Variants in SUDS3 observed in about 807,000 individuals in gnomAD.
SUDS3 encodes SIN3A corepressor complex component SDS3.
In SUDS3, 23 loss-of-function variants were observed where a neutral mutation model predicts 53.5. The ratio of observed to expected loss-of-function variants is 0.43; its 90% CI spans 0.31 to 0.61. The LOEUF (loss-of-function observed/expected upper bound fraction) is 0.61, where lower values mean the gene tolerates loss of function less well. Ranked by LOEUF, SUDS3 falls within the 20% of genes least tolerant of loss-of-function variation. The pLI is 0.10. For missense variants in SUDS3, 291 were observed against 405.9 expected (o/e 0.72, Z 2.43); for synonymous variants, 150 against 148.5 (o/e 1.01, Z -0.08).
rs1030308639 is a variant in SUDS3 at position 118,415,653 on chromosome 12, A to G, written c.*1220A>G. 6.6e-6 allele frequency: 1 copy of G among 152,200 alleles called. No individual in the cohort carries two copies. Among genetic ancestry groups the G allele is most frequent in the Non-Finnish European group, 1.5e-5 (1 of 68,022 alleles). 9.4% of individuals were successfully genotyped at this position (152,200 alleles called of 1,614,324 possible). ...TGTTCAAAAAATTTGGGGTTAGAGC[A>G]ACTGTTAGCGTCTCTATGAGCAATC... On this transcript the variant is annotated 3_prime_UTR_variant, in exon 12 of 12. Coordinates refer to ENST00000543473, the MANE Select transcript of SUDS3 (RefSeq NM_022491.3).
chr12:118,402,575 C>G (rs79207145), intron 9 of SUDS3: 1 of 152,858 alleles, frequency 6.5e-6, no homozygotes, highest in Non-Finnish European at 1.5e-5. Flanking sequence ...CATGATTACT[C>G]GATTACTCGA....
intron 4 of SUDS3, among the ~76,000 whole-genome samples, chr12:118,388,245 C>G (rs913067142): frequency 6.6e-6 from 1 of 152,170 alleles, no homozygotes; most frequent in Non-Finnish European, 1.5e-5. Context: ...AGTTAATTTT[C>G]TCTGTCAACA....
At chr12:118,379,940 C>T (rs1482092464) in intron 1 of SUDS3, among the ~76,000 whole-genome samples, 5 of 152,196 alleles carry the variant, frequency 3.3e-5, no homozygotes. Context: ...CCTGAGGATA[C>T]TCAAATTCTT....
At chr12:118,400,555 A>G in intron 6 of SUDS3, 104 bp from the exon 7 acceptor site, 5 of 1,056,624 alleles carry the variant, frequency 4.7e-6, no homozygotes, top group Non-Finnish European at 7.3e-6. Context: ...CCAGTAAAAC[A>G]GTTCTGATTG....
intron 11 of SUDS3, among the ~76,000 whole-genome samples, chr12:118,411,841 G>C (rs1284771342): frequency 6.6e-6 from 1 of 152,092 alleles, no homozygotes; most frequent in Non-Finnish European, 1.5e-5. Flanking sequence ...ACTGAGAATG[G>C]AGCTTGACTG....
intron 4 of SUDS3, among the ~76,000 whole-genome samples, chr12:118,389,338 T>C (rs1401899638): frequency 6.6e-6 from 1 of 152,082 alleles, no homozygotes; most frequent in Admixed American, 6.6e-5. Flanking sequence ...ACATCCACTC[T>C]GTTTCTGGAG....
At chr12:118,377,003 C>T (rs1311962572) in intron 1 of SUDS3, among the ~76,000 whole-genome samples, 170 bp downstream of exon 1, 1 of 152,044 alleles carries the variant, frequency 6.6e-6, no homozygotes, top group Admixed American at 6.6e-5. Flanking sequence ...GCTGGAGTAG[C>T]GGGGAAGCCC....
chr12:118,379,267 T>A lies in SUDS3; in HGVS notation c.143-895T>A, dbSNP rs1387044338. Among the ~76,000 whole-genome samples the A allele has an allele frequency of 2.0e-5, 3 of 151,904 alleles. No homozygotes were observed. In the East Asian group the frequency reaches 5.9e-4, roughly 30 times the overall value. Reference sequence around the variant, plus strand: ...GCCTGGCCAACGTGGCGAAACCTCATCTCTACTAAAAATACAAAAAGTAGC... The same window carrying A: ...GCCTGGCCAACGTGGCGAAACCTCAACTCTACTAAAAATACAAAAAGTAGC... On this transcript the variant is annotated intron_variant, in intron 1 of 11. Coordinates refer to ENST00000543473, the MANE Select transcript of SUDS3 (RefSeq NM_022491.3).
intron 8 of SUDS3, 24 bp downstream of exon 8, chr12:118,401,844 A>G: frequency 6.2e-7 from 1 of 1,611,450 alleles, no homozygotes. Flanking sequence ...TTTTTGATTT[A>G]TTTGAAAACT....
chr12:118,386,044 AT>A (rs1370423826), intron 3 of SUDS3, 69 bp from the exon 4 acceptor site: 9 of 1,266,832 alleles, frequency 7.1e-6, no homozygotes, highest in African/African-American at 4.5e-5. Context: ...CTAGATAATA[AT>A]TTTAGGAAGC....
intron 2 of SUDS3, among the ~76,000 whole-genome samples, chr12:118,381,767 C>G (rs1395649394): frequency 1.3e-5 from 2 of 151,972 alleles, no homozygotes. Flanking sequence ...TCAGACAGAG[C>G]CACAGCCGAA....
intron 2 of SUDS3, among the ~76,000 whole-genome samples, chr12:118,380,938 C>T (rs1439846933): frequency 5.3e-5 from 8 of 152,120 alleles, no homozygotes; most frequent in African/African-American, 1.2e-4. Context: ...CTCCTGAGCT[C>T]GTGATCCGCC....
At chr12:118,399,845 T>C (rs1047425618) in intron 6 of SUDS3, among the ~76,000 whole-genome samples, 7 of 152,050 alleles carry the variant, frequency 4.6e-5, no homozygotes, top group African/African-American at 1.7e-4. Flanking sequence ...ATGTGTGGTG[T>C]CAGGTATCTA....
chr12:118,393,202 C>T lies in SUDS3; in HGVS notation c.517+1920C>T, dbSNP rs530560250. Among the ~76,000 whole-genome samples, 93 of 152,314 alleles carry T rather than the reference C, an allele frequency of 6.1e-4. 1 individual carries two copies. Among genetic ancestry groups the T allele is most frequent in the African/African-American group, 2.1e-3 (89 of 41,568 alleles). On this transcript the variant is annotated intron_variant, in intron 6 of 11. Coordinates refer to ENST00000543473, the MANE Select transcript of SUDS3 (RefSeq NM_022491.3). The stretch of plus-strand genomic sequence containing the variant: ...TGGTGTTGGATTAAAGGCTTGATTT[C>T]ATTCCTCTAATTGAGTGACTTAGTT...
chr12:118,410,762 A>C lies in SUDS3; in HGVS notation c.804-311A>C, dbSNP rs974532051. 6.6e-5 allele frequency among the ~76,000 whole-genome samples: 10 copies of C among 151,808 alleles called. No individual in the cohort carries two copies. In the South Asian group the frequency reaches 8.3e-4, roughly 13 times the overall value. On this transcript the variant is annotated intron_variant, in intron 10 of 11. Transcript: ENST00000543473. The stretch of plus-strand genomic sequence containing the variant: ...TAGGCACCTGCCACCATGCCCGGCT[A>C]CTTTTTTTGTATTTTTAGTAGAGAC...
At chr12:118,383,218 G>T (rs571422566) in intron 2 of SUDS3, among the ~76,000 whole-genome samples, 1 of 152,230 alleles carries the variant, frequency 6.6e-6, no homozygotes, top group Non-Finnish European at 1.5e-5. Flanking sequence ...TATTGTGCTT[G>T]TTATATGTTG....
intron 9 of SUDS3, chr12:118,402,343 T>G (rs2046270689): frequency 3.0e-6 from 1 of 338,418 alleles, no homozygotes; most frequent in Non-Finnish European, 5.4e-6. Flanking sequence ...TTTTAAGTAT[T>G]ACTGGCTTTC....
chr12:118,380,920 G>A (rs894216995), intron 2 of SUDS3, among the ~76,000 whole-genome samples: 2 of 152,292 alleles, frequency 1.3e-5, no homozygotes, highest in Non-Finnish European at 2.9e-5. Flanking sequence ...GGCCAGGCTG[G>A]TCTCGAACTC....
intron 6 of SUDS3, among the ~76,000 whole-genome samples, chr12:118,399,971 C>T (rs539133704): frequency 6.6e-6 from 1 of 152,116 alleles, no homozygotes; most frequent in Non-Finnish European, 1.5e-5. Flanking sequence ...AGCAGACAAG[C>T]GAACCCCGAG....
Sources: allele counts gnomAD v4.1 joint callset (sites outside exome capture counted in the v4.1 genomes callset), GRCh38; gene constraint gnomAD v4.1.1; transcripts MANE v1.5; gene names NCBI Gene and HGNC (gene_info 2026-07-23, HGNC 2026-07-21).